The following DICER1 variants were observed in gnomAD, a reference collection of about 807,000 sequenced individuals.
DICER1 encodes the protein dicer 1, ribonuclease III.
Under a neutral mutation model 194.1 loss-of-function variants are expected in DICER1, and 43 were observed. The ratio of observed to expected loss-of-function variants is 0.22; its 90% confidence interval spans 0.17 to 0.29. DICER1 has a LOEUF of 0.29. DICER1 is among the 10% of genes least tolerant of loss of function. The probability of loss-of-function intolerance (pLI) is 1.00; values close to 1 mark genes in which losing one functional copy is unlikely to be tolerated. For missense variants in DICER1, 1,608 were observed against 2,317.0 expected (o/e 0.69, Z 6.28); for synonymous variants, 832 against 820.5 (o/e 1.01, Z -0.24).
intron 8 of DICER1, among the ~76,000 whole-genome samples, chr14:95,121,454 T>C (rs994502241): frequency 6.6e-6 from 1 of 152,126 alleles, no homozygotes; most frequent in African/African-American, 2.4e-5. Context: ...ATAATATCAA[T>C]GGGGGAAACT....
chr14:95,091,168 T>A (rs1409942685), intron 25 of DICER1, 35 bp downstream of exon 25: 8 of 1,614,012 alleles, frequency 5.0e-6, no homozygotes, highest in Non-Finnish European at 5.9e-6. Flanking sequence ...TTTAATTTTG[T>A]GGGTTTTTTT....
intron 1 of DICER1, among the ~76,000 whole-genome samples, chr14:95,152,195 C>T (rs555633489): frequency 5.3e-5 from 8 of 152,354 alleles, no homozygotes; most frequent in African/African-American, 1.4e-4. Flanking sequence ...GTCTGCAATA[C>T]AGTTAAACTC....
intron 1 of DICER1, among the ~76,000 whole-genome samples, chr14:95,147,161 T>C (rs1434495382): frequency 6.6e-6 from 1 of 152,220 alleles, no homozygotes; most frequent in Non-Finnish European, 1.5e-5. Context: ...AATTCTGTTT[T>C]AGGTATTGAA....
chr14:95,119,419 T>C (rs1320969279), intron 8 of DICER1, among the ~76,000 whole-genome samples: 1 of 152,198 alleles, frequency 6.6e-6, no homozygotes. Flanking sequence ...AAAATGTATT[T>C]ATCTACTTGG....
chr14:95,115,949 C>T, intron 10 of DICER1, 128 bp from the exon 11 acceptor site: 1 of 887,898 alleles, frequency 1.1e-6, no homozygotes, highest in Non-Finnish European at 1.8e-6. Context: ...CTTCAGTACT[C>T]CAAAGTAACC....
In DICER1 at chr14:95,106,226, A is replaced by G. The variant is rs1595374387; in HGVS notation, c.2805-3T>C. 6.2e-7 allele frequency: 1 copy of G among 1,611,448 alleles called. No individual in the cohort carries two copies. Among genetic ancestry groups the G allele is most frequent in the Non-Finnish European group, 8.5e-7 (1 of 1,177,836 alleles). ...GAGGCTGATCAAAATTGCGATATCT[A>G]AAAAAGAAAAACAAAAAAACAATCA... On this transcript the variant is annotated splice_region_variant and splice_polypyrimidine_tract_variant and intron_variant, in intron 17 of 26. Transcript: ENST00000343455.
rs150558339 is a variant in DICER1, at chr14:95,148,842, G to A, written c.-46+8388C>T. 3.5e-4 allele frequency among the ~76,000 whole-genome samples: 53 copies of A among 151,000 alleles called. 1 individual carries two copies. Among genetic ancestry groups the A allele is most frequent in the Non-Finnish European group, 2.7e-4 (18 of 67,716 alleles). The stretch of plus-strand genomic sequence containing the variant: ...ATAATGACATTTGTCCTACAGTTTT[G>A]TTTCAAGAGACATAAATACTTAACA... On this transcript the variant is annotated intron_variant, in intron 1 of 26. Coordinates refer to ENST00000343455, the MANE Select transcript of DICER1 (RefSeq NM_177438.3).
intron 1 of DICER1, chr14:95,134,259 T>A (rs889511737): frequency 1.3e-5 from 2 of 152,190 alleles, no homozygotes; most frequent in Admixed American, 1.3e-4. Context: ...GAAATAAAAA[T>A]TTTTTCATGG....
chr14:95,111,570 AC>A, intron 13 of DICER1, 114 bp from the exon 14 acceptor site: 2 of 1,155,220 alleles, frequency 1.7e-6, no homozygotes, highest in Non-Finnish European at 2.6e-6. Context: ...AAACTAAAGC[AC>A]CTTTGCCTTT....
intron 9 of DICER1, 69 bp downstream of exon 9, chr14:95,117,553 A>G: frequency 6.6e-7 from 1 of 1,511,374 alleles, no homozygotes; most frequent in South Asian, 1.1e-5. Context: ...AAAAAGGGAG[A>G]CCCTATGGGC....
chr14:95,104,452 G>A (rs1489339152), intron 20 of DICER1, among the ~76,000 whole-genome samples: 1 of 152,164 alleles, frequency 6.6e-6, no homozygotes, highest in Non-Finnish European at 1.5e-5. Context: ...GTAACTCTGG[G>A]CAACTTACAT....
At position 95,124,186 on chromosome 14, in the gene DICER1, A is replaced by G; in HGVS notation, c.1376+10T>C. The G allele has an allele frequency of 6.2e-7, 1 of 1,601,036 alleles. No individual in the cohort carries two copies. Among genetic ancestry groups the G allele is most frequent in the Non-Finnish European group, 8.6e-7 (1 of 1,169,090 alleles). ...GTTCTCATGTGAAAGGAGTCAACTT[A>G]CAGATTTACCTGTTTAAGACAACTG... On this transcript the variant is annotated intron_variant, in intron 8 of 26. Coordinates refer to ENST00000343455, the MANE Select transcript of DICER1 (RefSeq NM_177438.3). This position sits in a 1 kb window ranked among gnomAD's most constrained non-coding sequence, Gnocchi z 4.5.
Position 95,105,524 on chromosome 14 carries a change from TAAAAC to T in DICER1, c.3093+149_3093+153del, listed in dbSNP as rs575610432. The stretch of plus-strand genomic sequence containing the variant: ...ATAACATTCAACACATAATACTAAT[TAAAAC>T]AAAACAAAACAAAATTTGAGGATTA... On this transcript the variant is annotated intron_variant, in intron 19 of 26. Coordinates refer to ENST00000343455, the MANE Select transcript of DICER1 (RefSeq NM_177438.3). The surrounding 1 kb of genome is among the most constrained non-coding windows in gnomAD (Gnocchi z 4.9). Among the ~76,000 whole-genome samples, 96 of 152,234 alleles carry T rather than the reference TAAAAC, an allele frequency of 6.3e-4. No individual in the cohort carries two copies. The highest frequency in any genetic ancestry group is 9.4e-4 in the Non-Finnish European group (64 of 68,000).
At chr14:95,138,962 T>A (rs1440304228) in intron 1 of DICER1, among the ~76,000 whole-genome samples, 3 of 68,614 alleles carry the variant, frequency 4.4e-5, no homozygotes, top group African/African-American at 7.8e-5. Flanking sequence ...AAACTTAGAG[T>A]ATAATAAAAA....
intron 26 of DICER1, 27 bp downstream of exon 26, chr14:95,091,007 T>A: frequency 1.9e-6 from 3 of 1,597,278 alleles, no homozygotes; most frequent in Non-Finnish European, 2.6e-6. Context: ...TAAGTTAATG[T>A]TTTTTCCATG....
In DICER1 at chr14:95,105,952, G is replaced by T; in HGVS notation, c.2987+89C>A. On this transcript the variant is annotated intron_variant, in intron 18 of 26. Coordinates refer to ENST00000343455, the MANE Select transcript of DICER1 (RefSeq NM_177438.3). The surrounding 1 kb of genome is among the most constrained non-coding windows in gnomAD (Gnocchi z 4.9). ...CTGATTTCAGATAGTCCACGGGTGG[G>T]CAGGGGGACAGTGAACCTCTGCATG... The T allele has an allele frequency of 2.0e-6, 3 of 1,480,856 alleles. No individual in the cohort carries two copies. The highest frequency in any genetic ancestry group is 2.8e-6 in the Non-Finnish European group (3 of 1,059,438). The allele number at this position is 1,480,856 out of a possible 1,614,324, so 91.7% of individuals were successfully genotyped here. A position where few individuals can be genotyped will look rare whatever the true frequency, so the allele number is the denominator to read the frequency against.
Position 95,088,263 on chromosome 14 carries a change from T to C in DICER1, c.*2235A>G, listed in dbSNP as rs1055009651. 1.3e-5 allele frequency: 3 copies of C among 232,148 alleles called. No individual in the cohort carries two copies. The highest frequency in any genetic ancestry group is 6.6e-5 in the African/African-American group (3 of 45,262). 14.4% of individuals were successfully genotyped at this position (232,148 alleles called of 1,614,324 possible). A position where few individuals can be genotyped will look rare whatever the true frequency, so the allele number is the denominator to read the frequency against. ...TAGTATTAACAAAAAAATACTCTTC[T>C]TAAGGTTACAAATATATTGAGGCAT... On this transcript the variant is annotated 3_prime_UTR_variant, in exon 27 of 27. Transcript: ENST00000343455.
chr14:95,112,275 T>C (rs1455660241), intron 12 of DICER1, 28 bp from the exon 13 acceptor site: 1 of 1,579,060 alleles, frequency 6.3e-7, no homozygotes, highest in African/African-American at 1.3e-5. Flanking sequence ...CTTTCCATTA[T>C]ATATGCACAT....
chr14:95,122,695 GTT>G (rs1256273715), intron 8 of DICER1, among the ~76,000 whole-genome samples: 6 of 152,156 alleles, frequency 3.9e-5, no homozygotes, highest in African/African-American at 1.4e-4. Context: ...AAATAAGTGG[GTT>G]GGATTAGATA....
Sources: gnomAD v4.1 joint callset for allele counts (sites outside exome capture counted in the v4.1 genomes callset) on GRCh38, gnomAD v4.1.1 for gene constraint, Gnocchi (gnomAD v3.1) non-coding constraint, MANE v1.5 for transcripts, NCBI Gene and HGNC (gene_info 2026-07-23, HGNC 2026-07-21) for gene names.